Variants in GK5 observed in about 807,000 individuals in gnomAD.
The protein encoded by GK5 is glycerol kinase 5.
GK5 carries 39 observed loss-of-function variants against 77.3 expected under a neutral mutation model. The ratio of observed to expected loss-of-function variants is 0.50; its 90% CI spans 0.39 to 0.66. GK5 has a LOEUF of 0.66. Ranked by LOEUF, GK5 falls within the 30% of genes least tolerant of loss-of-function variation. The probability of loss-of-function intolerance (pLI) is 0.00; values close to 1 mark genes in which losing one functional copy is unlikely to be tolerated. For synonymous variants in GK5, 211 were observed against 208.0 expected (o/e 1.01, Z -0.13); for missense variants, 487 against 633.8 (o/e 0.77, Z 2.49).
chr3:142,188,145 C>T (rs2063799337), intron 5 of GK5, among the ~76,000 whole-genome samples: 1 of 152,044 alleles, frequency 6.6e-6, no homozygotes, highest in Non-Finnish European at 1.5e-5. Context: ...GCCTGTAATC[C>T]CAGTACTTTG....
chr3:142,167,786 T>C (rs2063489843), intron 15 of GK5, among the ~76,000 whole-genome samples: 1 of 152,020 alleles, frequency 6.6e-6, no homozygotes, highest in Non-Finnish European at 1.5e-5. Context: ...CCAAAGCGAG[T>C]GGATCACCTG....
intron 12 of GK5, among the ~76,000 whole-genome samples, chr3:142,175,185 C>G (rs577155460): frequency 1.3e-5 from 2 of 152,276 alleles, no homozygotes; most frequent in Admixed American, 6.5e-5. Flanking sequence ...AGGTAAATGA[C>G]CACTGTTTCT....
In GK5 at chr3:142,170,317, A is replaced by AGTC; in HGVS notation, c.1441+7_1441+8insGAC. On this transcript the variant is annotated splice_region_variant and intron_variant, in intron 15 of 15. Transcript: ENST00000392993. ...GAAAACTCTCATTCTTATAAATTTC[A>AGTC]CACATACCAACAGCAAGGCCAGCTA... 6.2e-7 allele frequency: 1 copy of AGTC among 1,613,630 alleles called. No individual in the cohort carries two copies. The highest frequency in any genetic ancestry group is 1.3e-5 in the African/African-American group (1 of 75,056).
In GK5 at chr3:142,159,843, C is replaced by CTTTTTTTTTTTTTTTTTTT. The variant is rs2063411427; in HGVS notation, c.*5778_*5779insAAAAAAAAAAAAAAAAAAA. On this transcript the variant is annotated 3_prime_UTR_variant, in exon 16 of 16. Coordinates refer to ENST00000392993, the MANE Select transcript of GK5 (RefSeq NM_001039547.3). ...TGTTTGGGGCTTTCTCTCTCTCTCTCTCTCTCTCTCTTTTTTTTTTTTGAG... is the reference window on the plus strand; with the variant it reads ...TGTTTGGGGCTTTCTCTCTCTCTCTCTTTTTTTTTTTTTTTTTTTTCTCTCTCTCTTTTTTTTTTTTGAG... The CTTTTTTTTTTTTTTTTTTT allele has an allele frequency of 1.8e-5, 2 of 111,394 alleles. No individual in the cohort carries two copies. The highest frequency in any genetic ancestry group is 7.8e-5 in the African/African-American group (2 of 25,566). The allele number at this position is 111,394 out of a possible 1,614,324, so 6.9% of individuals were successfully genotyped here. A position where few individuals can be genotyped will look rare whatever the true frequency, so the allele number is the denominator to read the frequency against.
chr3:142,203,222 A>G lies in GK5; in HGVS notation c.411+1473T>C, dbSNP rs1358793582. The stretch of plus-strand genomic sequence containing the variant: ...CCTTCTTATTAACAGCACCTCTCAC[A>G]AGTTATTGCAGCAAGGTACATTTTT... On this transcript the variant is annotated intron_variant, in intron 4 of 15. Coordinates refer to ENST00000392993, the MANE Select transcript of GK5 (RefSeq NM_001039547.3). Among the ~76,000 whole-genome samples the G allele has an allele frequency of 2.6e-5, 4 of 152,282 alleles. No homozygotes were observed. The East Asian group carries it at 7.7e-4, about 29-fold the overall frequency.
chr3:142,198,344 G>A lies in GK5; in HGVS notation c.543+458C>T, dbSNP rs1257156767. ...AATCAAAGATATGGCGGGGAGTGGC[G>A]GCTCACGCTTGTAATCCCAGCACTT... On this transcript the variant is annotated intron_variant, in intron 5 of 15. Coordinates refer to ENST00000392993, the MANE Select transcript of GK5 (RefSeq NM_001039547.3). Among the ~76,000 whole-genome samples the A allele has an allele frequency of 4.6e-5, 7 of 152,014 alleles. No homozygotes were observed. In the East Asian group the frequency reaches 7.8e-4, roughly 17 times the overall value.
intron 6 of GK5, 46 bp downstream of exon 6, chr3:142,187,658 G>C: frequency 7.9e-7 from 1 of 1,269,764 alleles, no homozygotes; most frequent in Non-Finnish European, 1.1e-6. Context: ...CATTTCTCTT[G>C]ATCAAATTTC....
chr3:142,192,918 TCTATATA>T (rs1386271028), intron 5 of GK5, among the ~76,000 whole-genome samples: 1 of 152,156 alleles, frequency 6.6e-6, no homozygotes, highest in African/African-American at 2.4e-5. Context: ...GTCTGTAAAG[TCTATATA>T]CTATATGATT....
intron 5 of GK5, among the ~76,000 whole-genome samples, chr3:142,198,470 C>T (rs2063968441): frequency 6.6e-6 from 1 of 151,568 alleles, no homozygotes; most frequent in Non-Finnish European, 1.5e-5. Context: ...AAAAATTAGC[C>T]GGGCGTGGTG....
intron 14 of GK5, among the ~76,000 whole-genome samples, chr3:142,170,844 G>C (rs899123415): frequency 2.0e-5 from 3 of 151,976 alleles, no homozygotes; most frequent in Non-Finnish European, 4.4e-5. Flanking sequence ...TACACATATG[G>C]GTGCCAAGAT....
intron 1 of GK5, 42 bp downstream of exon 1, chr3:142,225,267 A>C: frequency 2.0e-6 from 3 of 1,494,266 alleles, no homozygotes; most frequent in Non-Finnish European, 1.8e-6. Flanking sequence ...GGACTCAGCG[A>C]AACCCAGTCA....
intron 9 of GK5, chr3:142,185,636 CAG>C (rs1377849434): frequency 1.7e-6 from 2 of 1,179,786 alleles, no homozygotes; most frequent in Non-Finnish European, 2.1e-6. Flanking sequence ...AAATACCACT[CAG>C]AATTAAAAAA....
chr3:142,173,683 CA>C (rs2063570666), intron 12 of GK5, among the ~76,000 whole-genome samples: 1 of 149,912 alleles, frequency 6.7e-6, no homozygotes, highest in South Asian at 2.1e-4. Flanking sequence ...GACTCCGTCT[CA>C]AAACAAAAAC....
Position 142,186,205 on chromosome 3 carries a change from C to G in GK5, c.744G>C (p.Val248=). The stretch of plus-strand genomic sequence containing the variant: ...ATGTTTATTATTACCTTGTGTCCCT[C>G]ACAGGAGGTAGGAGAGAAAGTGGTA... ...ISIPLSLLPP[V]RDTSHNFGSV... Residue 248 remains valine (V), a synonymous_variant, in exon 8 of 16, where the codon GTG becomes GTC. Coordinates refer to ENST00000392993, the MANE Select transcript of GK5 (RefSeq NM_001039547.3). The G allele has an allele frequency of 6.3e-7, 1 of 1,584,730 alleles. No homozygotes were observed. The highest frequency in any genetic ancestry group is 8.7e-7 in the Non-Finnish European group (1 of 1,153,518).
chr3:142,158,137 G>C lies in GK5; in HGVS notation c.*7485C>G, dbSNP rs1294603877. 1 of 152,122 alleles carries C rather than the reference G, an allele frequency of 6.6e-6. No homozygotes were observed. 9.4% of individuals were successfully genotyped at this position (152,122 alleles called of 1,614,324 possible). On this transcript the variant is annotated 3_prime_UTR_variant, in exon 16 of 16. Transcript: ENST00000392993. ...TGGCTAATTTTTTGTATTTTTAGTAGAGACAGGGTTTCACCATGTTAGCCA... is the reference window on the plus strand; with the variant it reads ...TGGCTAATTTTTTGTATTTTTAGTACAGACAGGGTTTCACCATGTTAGCCA...
chr3:142,166,418 T>G (rs1036438324), intron 15 of GK5, among the ~76,000 whole-genome samples: 1 of 152,252 alleles, frequency 6.6e-6, no homozygotes, highest in African/African-American at 2.4e-5. Flanking sequence ...TAATAGTTTC[T>G]CTTTCAAACT....
intron 5 of GK5, among the ~76,000 whole-genome samples, chr3:142,197,815 G>A (rs997103469): frequency 6.6e-6 from 1 of 151,938 alleles, no homozygotes. Flanking sequence ...ACGAGGTCAG[G>A]AGTTCAAGAC....
chr3:142,173,530 A>G (rs574558333), intron 12 of GK5, among the ~76,000 whole-genome samples: 155 of 152,080 alleles, frequency 1.0e-3, no homozygotes, highest in African/African-American at 3.5e-3. Flanking sequence ...TAAAAATACA[A>G]AAAATTAGCC....
intron 5 of GK5, among the ~76,000 whole-genome samples, chr3:142,197,624 T>C (rs1217949055): frequency 1.3e-5 from 2 of 152,220 alleles, no homozygotes; most frequent in East Asian, 1.9e-4. Flanking sequence ...AGACTAATAA[T>C]GTCAATTATG....
Sources: allele counts gnomAD v4.1 joint callset (sites outside exome capture counted in the v4.1 genomes callset), GRCh38; gene constraint gnomAD v4.1.1; transcripts MANE v1.5; gene names NCBI Gene and HGNC (gene_info 2026-07-23, HGNC 2026-07-21).